Variants in CLSTN2 observed in about 807,000 individuals in gnomAD.
CLSTN2 encodes calsyntenin 2, also known as calsyntenin-2.
In CLSTN2, 48 loss-of-function variants were observed where a neutral mutation model predicts 101.2. The observed-to-expected ratio is 0.47, with a 90% CI of 0.38 to 0.60. The LOEUF is 0.60. CLSTN2 is among the 20% of genes least tolerant of loss of function. The pLI, the probability that CLSTN2 is intolerant of heterozygous loss-of-function variation, is 0.00. For synonymous variants in CLSTN2, 481 were observed against 463.6 expected (o/e 1.04, Z -0.48); for missense variants, 1,160 against 1,238.2 (o/e 0.94, Z 0.95).
chr3:140,246,622 C>T (rs7610753), intron 2 of CLSTN2, among the ~76,000 whole-genome samples: 32 of 152,244 alleles, frequency 2.1e-4, no homozygotes, highest in African/African-American at 7.0e-4. Context: ...CCCAGCACAT[C>T]GTAAGTGCAT....
intron 2 of CLSTN2, among the ~76,000 whole-genome samples, chr3:140,392,611 T>G (rs1421177018): frequency 6.6e-6 from 1 of 152,152 alleles, no homozygotes; most frequent in African/African-American, 2.4e-5. Flanking sequence ...AACACCACAT[T>G]CTGGCTAGTG....
intron 2 of CLSTN2, among the ~76,000 whole-genome samples, chr3:140,344,244 C>T (rs2087519449): frequency 6.6e-6 from 1 of 152,174 alleles, no homozygotes; most frequent in Non-Finnish European, 1.5e-5. Flanking sequence ...GTCTGCTCTA[C>T]ACACAGCTCA....
At chr3:140,506,266 G>A (rs1316603611) in intron 8 of CLSTN2, 1 of 152,194 alleles carries the variant, frequency 6.6e-6, no homozygotes, top group African/African-American at 2.4e-5. Context: ...CCCCTGGCAA[G>A]TCCTTAAGAA....
Position 140,571,434 on chromosome 3 carries a change from T to C in CLSTN2, c.*5181T>C, listed in dbSNP as rs1985546286. Reference sequence around the variant, plus strand: ...AAGTAGGTAAGTGGGTTTAATTCTTTGAAAGTATTTGCCAGTGAAAAGTAG... The same window carrying C: ...AAGTAGGTAAGTGGGTTTAATTCTTCGAAAGTATTTGCCAGTGAAAAGTAG... On this transcript the variant is annotated 3_prime_UTR_variant, in exon 17 of 17. Transcript: ENST00000458420. 6.6e-6 allele frequency: 1 copy of C among 152,242 alleles called. No individual in the cohort carries two copies. The highest frequency in any genetic ancestry group is 6.5e-5 in the Admixed American group (1 of 15,292). 9.4% of individuals were successfully genotyped at this position (152,242 alleles called of 1,614,324 possible). A position where few individuals can be genotyped will look rare whatever the true frequency, so the allele number is the denominator to read the frequency against.
intron 2 of CLSTN2, among the ~76,000 whole-genome samples, chr3:140,305,093 C>T (rs1404617448): frequency 2.0e-5 from 3 of 151,766 alleles, no homozygotes; most frequent in Non-Finnish European, 2.9e-5. Context: ...CTCTCTCTCT[C>T]TCTATGGTGA....
At chr3:140,042,594 T>C (rs2007782955) in intron 1 of CLSTN2, among the ~76,000 whole-genome samples, 1 of 152,182 alleles carries the variant, frequency 6.6e-6, no homozygotes, top group Non-Finnish European at 1.5e-5. Flanking sequence ...TACATATGTG[T>C]ACGTGCGCCA....
At chr3:140,023,881 C>T (rs943974223) in intron 1 of CLSTN2, among the ~76,000 whole-genome samples, 3 of 152,214 alleles carry the variant, frequency 2.0e-5, no homozygotes, top group African/African-American at 4.8e-5. Context: ...GTGTGTCCTC[C>T]GTCTGGCACC....
At chr3:140,078,880 T>G (rs1335693500) in intron 1 of CLSTN2, among the ~76,000 whole-genome samples, 1 of 152,178 alleles carries the variant, frequency 6.6e-6, no homozygotes, top group Non-Finnish European at 1.5e-5. Context: ...AGCAGCCATG[T>G]TGTGTTGATC....
At chr3:140,352,108 A>G (rs1297243184) in intron 2 of CLSTN2, among the ~76,000 whole-genome samples, 7 of 152,228 alleles carry the variant, frequency 4.6e-5, no homozygotes, top group Admixed American at 4.6e-4. Flanking sequence ...TTTTCTGCTT[A>G]AAAACTAAAG....
At chr3:140,457,209 C>G (rs1933424102) in intron 6 of CLSTN2, among the ~76,000 whole-genome samples, 1 of 152,212 alleles carries the variant, frequency 6.6e-6, no homozygotes, top group Non-Finnish European at 1.5e-5. Context: ...GCACCGGGCC[C>G]TGCTAGATCA....
chr3:140,341,679 A>G (rs2087494541), intron 2 of CLSTN2, among the ~76,000 whole-genome samples: 1 of 152,112 alleles, frequency 6.6e-6, no homozygotes, highest in Admixed American at 6.5e-5. Flanking sequence ...GTGTTCAAGT[A>G]TTGCTGGTAG....
rs780837347 is a variant in CLSTN2, at chr3:140,135,087, A to AACAC, written c.110-40836_110-40833dup. On this transcript the variant is annotated intron_variant, in intron 1 of 16. Transcript: ENST00000458420. ...AGTCCAGGGTGATGCCTCTCAAAAA[A>AACAC]ACACACACACACACACACACACACA... is the stretch of plus-strand genomic sequence containing the variant. 8.9e-4 allele frequency among the ~76,000 whole-genome samples: 46 copies of AACAC among 51,418 alleles called. 1 individual carries two copies. Among genetic ancestry groups the AACAC allele is most frequent in the Non-Finnish European group, 1.3e-3 (33 of 25,262 alleles). The allele number at this position is 51,418 out of a possible 152,430, so 33.7% of individuals were successfully genotyped here. A position where few individuals can be genotyped will look rare whatever the true frequency, so the allele number is the denominator to read the frequency against.
intron 1 of CLSTN2, among the ~76,000 whole-genome samples, chr3:139,949,601 T>G (rs1935261682): frequency 6.6e-6 from 1 of 152,178 alleles, no homozygotes; most frequent in Admixed American, 6.5e-5. Context: ...GTCATGAGCC[T>G]CTGCAGCAAT....
At chr3:139,984,158 T>C (rs1039937618) in intron 1 of CLSTN2, among the ~76,000 whole-genome samples, 2 of 152,264 alleles carry the variant, frequency 1.3e-5, no homozygotes, top group East Asian at 1.9e-4. Context: ...ACCTTGTGTT[T>C]GAGACAGCAG....
At chr3:139,985,844 A>G (rs1486933400) in intron 1 of CLSTN2, among the ~76,000 whole-genome samples, 1 of 152,190 alleles carries the variant, frequency 6.6e-6, no homozygotes, top group Non-Finnish European at 1.5e-5. Context: ...TGTGCCATTC[A>G]GTATGGTAGT....
intron 10 of CLSTN2, among the ~76,000 whole-genome samples, chr3:140,551,362 A>G (rs1256142436): frequency 6.6e-6 from 1 of 152,048 alleles, no homozygotes; most frequent in Non-Finnish European, 1.5e-5. Context: ...ATATTTATGA[A>G]TATTTCTCCA....
intron 2 of CLSTN2, among the ~76,000 whole-genome samples, chr3:140,345,513 G>T (rs1353056286): frequency 1.3e-5 from 2 of 151,626 alleles, no homozygotes; most frequent in Non-Finnish European, 2.9e-5. Context: ...GCCTCCCAAA[G>T]TGTTGGGATT....
At chr3:140,098,386 A>G (rs2107788860) in intron 1 of CLSTN2, among the ~76,000 whole-genome samples, 1 of 152,340 alleles carries the variant, frequency 6.6e-6, no homozygotes, top group African/African-American at 2.4e-5. Flanking sequence ...TTAACATTTC[A>G]CAAGTACTTG....
chr3:140,481,028 A>G (rs1026308727), intron 8 of CLSTN2, among the ~76,000 whole-genome samples: 1 of 152,200 alleles, frequency 6.6e-6, no homozygotes, highest in African/African-American at 2.4e-5. Context: ...GCCCATGCCT[A>G]TGTCCTGAAT....
Sources: gnomAD v4.1 joint callset for allele counts (sites outside exome capture counted in the v4.1 genomes callset) on GRCh38, gnomAD v4.1.1 for gene constraint, MANE v1.5 for transcripts, NCBI Gene and HGNC (gene_info 2026-07-23, HGNC 2026-07-21) for gene names.